Variants in NCEH1 observed in about 807,000 individuals in gnomAD.
NCEH1 encodes the protein 2-acetyl MAGE hydrolase.
NCEH1 carries 9 observed loss-of-function variants against 25.4 expected under a neutral mutation model. The ratio of observed to expected loss-of-function variants is 0.35; its 90% CI spans 0.21 to 0.62. The LOEUF is 0.62. NCEH1 is among the 20% of genes least tolerant of loss of function. NCEH1 has a pLI of 0.72. For synonymous variants in NCEH1, 200 were observed against 199.8 expected (o/e 1.00, Z -0.01); for missense variants, 412 against 501.1 (o/e 0.82, Z 1.70).
At chr3:172,702,206 C>CA (rs1713737855) in intron 1 of NCEH1, among the ~76,000 whole-genome samples, 2 of 152,340 alleles carry the variant, frequency 1.3e-5, no homozygotes, top group South Asian at 4.1e-4. Context: ...CCTCCTTTGT[C>CA]ACATAAAGAA....
chr3:172,674,528 T>C (rs1711834091), intron 1 of NCEH1, among the ~76,000 whole-genome samples: 1 of 152,060 alleles, frequency 6.6e-6, no homozygotes, highest in Non-Finnish European at 1.5e-5. Context: ...TTTTCATTTC[T>C]ATCCTTTCCT....
In NCEH1 at chr3:172,698,272, C is replaced by T. The variant is rs1240520134; in HGVS notation, c.138+12575G>A. Among the ~76,000 whole-genome samples, 5 of 152,078 alleles carry T rather than the reference C, an allele frequency of 3.3e-5. No individual in the cohort carries two copies. The East Asian group carries it at 5.8e-4, about 18-fold the overall frequency. On this transcript the variant is annotated intron_variant, in intron 1 of 4. Transcript: ENST00000475381. ...GATTACAGGTGTGAGCCACTGCACC[C>T]GGCCTCTAAAAGCAGAATTGACTTG...
At chr3:172,690,280 C>T (rs566982951) in intron 1 of NCEH1, among the ~76,000 whole-genome samples, 1 of 152,188 alleles carries the variant, frequency 6.6e-6, no homozygotes, top group African/African-American at 2.4e-5. Context: ...CTGCTCTTTC[C>T]CCAGAATAGT....
rs574676652 is a variant in NCEH1, at chr3:172,645,610, A to G, written c.437+13T>C. ...ATAAGAAAAATTTTCTATGACTAGC[A>G]TTAATTACTTACTCAATGGAAACAA... On this transcript the variant is annotated intron_variant, in intron 3 of 4. Transcript: ENST00000475381. 2.6e-6 allele frequency: 4 copies of G among 1,560,282 alleles called. No homozygotes were observed. The highest frequency in any genetic ancestry group is 4.5e-5 in the East Asian group (2 of 44,150).
intron 1 of NCEH1, among the ~76,000 whole-genome samples, chr3:172,678,822 A>G (rs977755452): frequency 1.3e-5 from 2 of 152,182 alleles, no homozygotes; most frequent in East Asian, 1.9e-4. Context: ...CAAACAGGTC[A>G]TTTTTCAACC....
At chr3:172,698,853 A>G (rs1713527563) in intron 1 of NCEH1, among the ~76,000 whole-genome samples, 1 of 152,268 alleles carries the variant, frequency 6.6e-6, no homozygotes, top group Non-Finnish European at 1.5e-5. Context: ...GTGGAAGCAC[A>G]GGGCCTGCCC....
intron 1 of NCEH1, among the ~76,000 whole-genome samples, chr3:172,656,948 T>C (rs1717725535): frequency 6.6e-6 from 1 of 152,176 alleles, no homozygotes; most frequent in South Asian, 2.1e-4. Context: ...CAACTTGTGC[T>C]TTCTTGAAAC....
At chr3:172,668,166 T>C (rs1397166771) in intron 1 of NCEH1, among the ~76,000 whole-genome samples, 1 of 152,158 alleles carries the variant, frequency 6.6e-6, no homozygotes, top group East Asian at 1.9e-4. Context: ...GGTAGCTCTG[T>C]AAGCAGCAGA....
Position 172,647,990 on chromosome 3 carries a change from T to C in NCEH1, c.263A>G (p.Asp88Gly). ...AQVKVTDTDF[D>G]GVEVRVFEGP... ...TTCAAACACTCTGACTTCCACACCA[T>C]CAAAGTCTGTGTCGGTCACCTTCAC... The change falls in exon 2 of 5, where the codon GAT (aspartate) becomes GGT (glycine). Residue 88 changes from aspartate to glycine, a missense_variant. This residue lies in a region of NCEH1 where 178 missense variants were observed against 189.2 expected (regional missense o/e 0.94). Coordinates refer to ENST00000475381, the MANE Select transcript of NCEH1 (RefSeq NM_020792.6). 4 of 1,614,168 alleles carry C rather than the reference T, an allele frequency of 2.5e-6. No homozygotes were observed. The highest frequency in any genetic ancestry group is 3.4e-6 in the Non-Finnish European group (4 of 1,180,032).
At chr3:172,708,413 T>C (rs974625269) in intron 1 of NCEH1, among the ~76,000 whole-genome samples, 6 of 152,232 alleles carry the variant, frequency 3.9e-5, no homozygotes, top group Non-Finnish European at 8.8e-5. Context: ...TGGAGTGCAG[T>C]GGCACAATCT....
In NCEH1 at chr3:172,694,050, C is replaced by A. The variant is rs572842113; in HGVS notation, c.138+16797G>T. ...CTAGGACTATAGGCACGTGCCACCA[C>A]ACCCAGCCAACTTTTTAAATTTTTT... On this transcript the variant is annotated intron_variant, in intron 1 of 4. Coordinates refer to ENST00000475381, the MANE Select transcript of NCEH1 (RefSeq NM_020792.6). Among the ~76,000 whole-genome samples, 3 of 152,300 alleles carry A rather than the reference C, an allele frequency of 2.0e-5. No homozygotes were observed. The South Asian group carries it at 6.2e-4, about 32-fold the overall frequency.
intron 1 of NCEH1, among the ~76,000 whole-genome samples, chr3:172,702,952 A>G (rs919552569): frequency 1.3e-5 from 2 of 152,238 alleles, no homozygotes; most frequent in Non-Finnish European, 2.9e-5. Flanking sequence ...TGATCACACC[A>G]CTGCATCCCT....
chr3:172,637,691 C>G (rs1716655757), intron 3 of NCEH1, among the ~76,000 whole-genome samples: 1 of 152,142 alleles, frequency 6.6e-6, no homozygotes, highest in Non-Finnish European at 1.5e-5. Flanking sequence ...GAGTTCGAGA[C>G]CAGCCTGACC....
chr3:172,678,788 T>C (rs1712167856), intron 1 of NCEH1, among the ~76,000 whole-genome samples: 1 of 152,206 alleles, frequency 6.6e-6, no homozygotes, highest in East Asian at 1.9e-4. Context: ...TGTGCACCCA[T>C]CATCCACATA....
intron 1 of NCEH1, among the ~76,000 whole-genome samples, chr3:172,655,633 A>G (rs1717655797): frequency 6.6e-6 from 1 of 152,230 alleles, no homozygotes; most frequent in South Asian, 2.1e-4. Context: ...ACAAGGTATC[A>G]AAGTCCGCTT....
intron 1 of NCEH1, among the ~76,000 whole-genome samples, chr3:172,648,695 A>C (rs1717250975): frequency 6.6e-6 from 1 of 152,126 alleles, no homozygotes; most frequent in Non-Finnish European, 1.5e-5. Flanking sequence ...AAACATTGTC[A>C]AGGGAGGCCC....
intron 1 of NCEH1, among the ~76,000 whole-genome samples, chr3:172,675,288 G>C (rs1034128176): frequency 6.8e-6 from 1 of 148,144 alleles, no homozygotes; most frequent in African/African-American, 2.5e-5. Flanking sequence ...GGGTGACAGA[G>C]CAAGATCCTG....
chr3:172,662,550 C>T (rs540564671), intron 1 of NCEH1, among the ~76,000 whole-genome samples: 2 of 152,290 alleles, frequency 1.3e-5, no homozygotes, highest in Admixed American at 1.3e-4. Context: ...GTACCAGCTC[C>T]TCTTTGTACC....
intron 4 of NCEH1, among the ~76,000 whole-genome samples, chr3:172,635,330 C>T (rs1366012877): frequency 6.6e-6 from 1 of 152,222 alleles, no homozygotes; most frequent in Non-Finnish European, 1.5e-5. Context: ...TAAGTTACTT[C>T]ATCCATAACA....
Sources: allele counts gnomAD v4.1 joint callset (sites outside exome capture counted in the v4.1 genomes callset), GRCh38; gene constraint gnomAD v4.1.1; regional missense constraint gnomAD v4.1.1; transcripts MANE v1.5; gene names NCBI Gene and HGNC (gene_info 2026-07-23, HGNC 2026-07-21).